Variants in CLSTN2 observed in about 807,000 individuals in gnomAD.
CLSTN2 encodes the protein calsyntenin-2.
A neutral mutation model predicts 101.2 loss-of-function variants in CLSTN2; 48 were observed. The ratio of observed to expected loss-of-function variants is 0.47; its 90% CI spans 0.38 to 0.60. The LOEUF is 0.60. CLSTN2 is among the 20% of genes least tolerant of loss of function. The probability of loss-of-function intolerance (pLI) is 0.00; values close to 1 mark genes in which losing one functional copy is unlikely to be tolerated. For missense variants in CLSTN2, 1,160 were observed against 1,238.2 expected (o/e 0.94, Z 0.95); for synonymous variants, 481 against 463.6 (o/e 1.04, Z -0.48).
chr3:140,108,169 A>G (rs1196771147), intron 1 of CLSTN2, among the ~76,000 whole-genome samples: 1 of 152,200 alleles, frequency 6.6e-6, no homozygotes, highest in African/African-American at 2.4e-5. Flanking sequence ...CTACAAATAC[A>G]GGTAGAACCA....
chr3:140,203,298 G>T (rs922289511), intron 2 of CLSTN2, among the ~76,000 whole-genome samples: 2 of 151,964 alleles, frequency 1.3e-5, no homozygotes, highest in Non-Finnish European at 2.9e-5. Flanking sequence ...TTAGGGGAAA[G>T]GTGAACAAAA....
intron 2 of CLSTN2, among the ~76,000 whole-genome samples, chr3:140,332,233 A>G (rs2087390002): frequency 6.6e-6 from 1 of 152,218 alleles, no homozygotes; most frequent in Non-Finnish European, 1.5e-5. Context: ...AAGAGAGAAC[A>G]GCAGGTTCAA....
intron 2 of CLSTN2, among the ~76,000 whole-genome samples, chr3:140,293,642 T>C (rs1318955269): frequency 6.6e-6 from 1 of 151,576 alleles, no homozygotes; most frequent in Non-Finnish European, 1.5e-5. Context: ...AAAGGATGAG[T>C]TGAGAGAGTC....
chr3:140,528,928 G>A (rs1935199463), intron 8 of CLSTN2, among the ~76,000 whole-genome samples: 1 of 152,198 alleles, frequency 6.6e-6, no homozygotes, highest in South Asian at 2.1e-4. Flanking sequence ...CATAACTTCT[G>A]TATCTCTTGC....
At chr3:140,059,417 G>A (rs2008157273) in intron 1 of CLSTN2, among the ~76,000 whole-genome samples, 1 of 152,204 alleles carries the variant, frequency 6.6e-6, no homozygotes, top group Non-Finnish European at 1.5e-5. Flanking sequence ...GGCTCAGGGT[G>A]ATGTGCCAGG....
intron 2 of CLSTN2, among the ~76,000 whole-genome samples, chr3:140,277,882 A>C (rs1049214842): frequency 3.3e-5 from 5 of 152,240 alleles, no homozygotes; most frequent in Non-Finnish European, 7.3e-5. Flanking sequence ...GAAATAAACA[A>C]TACATGTAGA....
intron 1 of CLSTN2, among the ~76,000 whole-genome samples, chr3:140,013,956 A>G (rs530707904): frequency 6.6e-6 from 1 of 152,182 alleles, no homozygotes; most frequent in Non-Finnish European, 1.5e-5. Context: ...ACATTACACC[A>G]ACTATGTAAG....
intron 2 of CLSTN2, among the ~76,000 whole-genome samples, chr3:140,221,941 A>G (rs1474676942): frequency 3.3e-5 from 5 of 152,174 alleles, no homozygotes; most frequent in Non-Finnish European, 7.3e-5. Context: ...TAGAGCTACC[A>G]TATGATACAG....
intron 2 of CLSTN2, among the ~76,000 whole-genome samples, chr3:140,339,879 T>C (rs1374031181): frequency 6.6e-6 from 1 of 152,212 alleles, no homozygotes; most frequent in Admixed American, 6.5e-5. Context: ...CACTGCCTTA[T>C]GCAGGAAAAA....
In CLSTN2 at chr3:139,962,409, T is replaced by C. The variant is rs1935527908; in HGVS notation, c.109+26926T>C. On this transcript the variant is annotated intron_variant, in intron 1 of 16. Transcript: ENST00000458420. ...TATATGACCTCCAACAGTTTTCTAA[T>C]TTCCTTTTGTAATCCCTCCCTGCTA... is the stretch of plus-strand genomic sequence containing the variant. 2.0e-5 allele frequency among the ~76,000 whole-genome samples: 3 copies of C among 152,174 alleles called. No individual in the cohort carries two copies. The South Asian group carries it at 6.2e-4, about 32-fold the overall frequency.
At chr3:140,260,035 G>A (rs2107882070) in intron 2 of CLSTN2, among the ~76,000 whole-genome samples, 1 of 151,760 alleles carries the variant, frequency 6.6e-6, no homozygotes, top group South Asian at 2.1e-4. Flanking sequence ...CTACCTGGGT[G>A]ATGAAATCAG....
intron 2 of CLSTN2, among the ~76,000 whole-genome samples, chr3:140,300,101 G>T (rs991993155): frequency 6.6e-6 from 1 of 152,262 alleles, no homozygotes; most frequent in African/African-American, 2.4e-5. Flanking sequence ...ATGCAGTCTC[G>T]CTCCCAATCT....
At chr3:140,533,734 A>C (rs1280424469) in intron 9 of CLSTN2, among the ~76,000 whole-genome samples, 1 of 148,930 alleles carries the variant, frequency 6.7e-6, no homozygotes, top group Non-Finnish European at 1.5e-5. Flanking sequence ...AAAAAAAAAG[A>C]ATATGCCTTC....
chr3:140,388,314 T>C (rs533993425), intron 2 of CLSTN2, among the ~76,000 whole-genome samples: 60 of 152,384 alleles, frequency 3.9e-4, no homozygotes, highest in Admixed American at 3.3e-4. Context: ...AATTTGAATA[T>C]GGCTATTGAT....
chr3:140,100,786 G>T (rs115588739), intron 1 of CLSTN2, among the ~76,000 whole-genome samples: 5 of 152,330 alleles, frequency 3.3e-5, no homozygotes, highest in Admixed American at 6.5e-5. Context: ...CAGCCAGAAG[G>T]CTGCTGTAGA....
At chr3:140,176,197 T>C in intron 2 of CLSTN2, 124 bp downstream of exon 2, 1 of 1,062,526 alleles carries the variant, frequency 9.4e-7, no homozygotes, top group East Asian at 2.6e-5. Flanking sequence ...TAGATCAGCC[T>C]GTGATGTTAA....
At chr3:139,973,522 C>T (rs1935753532) in intron 1 of CLSTN2, among the ~76,000 whole-genome samples, 1 of 152,110 alleles carries the variant, frequency 6.6e-6, no homozygotes, top group Non-Finnish European at 1.5e-5. Flanking sequence ...AGCTGGTCTG[C>T]AACACTGGAG....
chr3:140,516,264 G>T lies in CLSTN2; in HGVS notation c.1345-16060G>T, dbSNP rs144735041. ...AGTTCCTTAAAGACAGCAGCTACTT[G>T]GTTGGTGAATTTTTATCCATTCTGC... On this transcript the variant is annotated intron_variant, in intron 8 of 16. Coordinates refer to ENST00000458420, the MANE Select transcript of CLSTN2 (RefSeq NM_022131.3). 4.0e-3 allele frequency among the ~76,000 whole-genome samples: 609 copies of T among 152,228 alleles called. 3 individuals are homozygous for T. The highest frequency in any genetic ancestry group is 6.1e-3 in the Non-Finnish European group (412 of 68,000).
chr3:140,267,126 C>G (rs573454895), intron 2 of CLSTN2, among the ~76,000 whole-genome samples: 1 of 152,270 alleles, frequency 6.6e-6, no homozygotes, highest in South Asian at 2.1e-4. Context: ...ATGTTCCTCC[C>G]AGGTTCCCAG....
Sources: allele counts gnomAD v4.1 joint callset (sites outside exome capture counted in the v4.1 genomes callset), GRCh38; gene constraint gnomAD v4.1.1; transcripts MANE v1.5; gene names NCBI Gene and HGNC (gene_info 2026-07-23, HGNC 2026-07-21).